Variants in KLHL5 observed in about 807,000 individuals in gnomAD.
The protein encoded by KLHL5 is kelch like family member 5.
In KLHL5, 48 loss-of-function variants were observed where a neutral mutation model predicts 77.7. The observed-to-expected ratio is 0.62, with a 90% CI of 0.49 to 0.79. The LOEUF (loss-of-function observed/expected upper bound fraction) is 0.79, where lower values mean the gene tolerates loss of function less well. Ranked by LOEUF, KLHL5 falls within the 30% of genes least tolerant of loss-of-function variation. KLHL5 has a pLI of 0.00. For synonymous variants in KLHL5, 260 were observed against 297.0 expected, an observed-to-expected ratio of 0.88 and a Z score of 1.28; for missense variants, 723 against 859.7, an observed-to-expected ratio of 0.84 and a Z score of 1.99.
rs746288603 is a variant in KLHL5, at chr4:39,086,638, C to CT, written c.1026dup (p.Thr343TyrfsTer6). Reference sequence around the variant, plus strand: ...TGAGGAGACAATATTGAATGCACTTCTTACTTGGGTCCGTCATGATTTGGA... The same window carrying CT: ...TGAGGAGACAATATTGAATGCACTTCTTTACTTGGGTCCGTCATGATTTGGA... On this transcript the variant is annotated frameshift_variant, in exon 5 of 11. Coordinates refer to ENST00000504108, the MANE Select transcript of KLHL5 (RefSeq NM_015990.5). LOFTEE classifies it high-confidence loss of function. 1 of 1,613,980 alleles carries CT rather than the reference C, an allele frequency of 6.2e-7. No homozygotes were observed. Among genetic ancestry groups the CT allele is most frequent in the Non-Finnish European group, 8.5e-7 (1 of 1,179,942 alleles).
intron 10 of KLHL5, among the ~76,000 whole-genome samples, chr4:39,116,544 G>A (rs887268842): frequency 6.6e-6 from 1 of 151,516 alleles, no homozygotes; most frequent in Admixed American, 6.6e-5. Flanking sequence ...AATGAAGGGG[G>A]ATTTAAACCA....
rs1425467816 is a variant in KLHL5, at chr4:39,082,158, T to G, written c.899T>G (p.Met300Arg). 1.3e-6 allele frequency: 2 copies of G among 1,575,188 alleles called. No homozygotes were observed. Among genetic ancestry groups the G allele is most frequent in the Non-Finnish European group, 1.7e-6 (2 of 1,161,506 alleles). ...DLHKVAHNYT[M>R]EHFMEVIRNQ... ...CATAAAGTGGCTCACAATTATACTA[T>G]GGTATGTATTTTTTGAAGGTGAGAA... The change falls in exon 4 of 11, where the codon ATG becomes AGG. Residue 300 changes from methionine to arginine, a missense_variant and splice_region_variant. Physicochemically the swap from Met to Arg is moderately conservative, Grantham distance 91. Around this residue, in one of 3 missense-constraint regions of KLHL5, gnomAD observed 288 missense variants for 400.3 expected, o/e 0.72. Transcript: ENST00000504108.
chr4:39,075,849 T>C, intron 1 of KLHL5, 116 bp from the exon 2 acceptor site: 1 of 759,912 alleles, frequency 1.3e-6, no homozygotes, highest in Non-Finnish European at 2.1e-6. Context: ...ACATTAATAT[T>C]GATAGGTAGC....
chr4:39,076,123 G>C lies in KLHL5; in HGVS notation c.542G>C (p.Gly181Ala), dbSNP rs372888059. 6.2e-6 allele frequency: 10 copies of C among 1,604,192 alleles called. No homozygotes were observed. Among genetic ancestry groups the C allele is most frequent in the Non-Finnish European group, 8.5e-6 (10 of 1,177,672 alleles). Residue 181 changes from glycine to alanine, a missense_variant, in exon 2 of 11, where the codon GGT (glycine) becomes GCT (alanine). Gly to Ala is a moderately conservative substitution (Grantham distance 60). Transcript: ENST00000504108. ...TTGTGTGATGTAATTTTAGTCGCTG[G>C]TGATCGCAGAATTCCAGCTCACAGG... The part of the protein sequence containing the change: ...KQLCDVILVA[G>A]DRRIPAHRLV...
the KLHL5 span, among the ~76,000 whole-genome samples, chr4:39,135,771 G>C: frequency 6.6e-6 from 1 of 152,068 alleles, no homozygotes; most frequent in African/African-American, 2.4e-5. Flanking sequence ...GGACGTGTTG[G>C]TGCGCTCCTG....
chr4:39,104,971 T>G (rs1964348), intron 7 of KLHL5, among the ~76,000 whole-genome samples: 76,009 of 151,276 alleles, frequency 0.5, 19,244 homozygotes, highest in Admixed American at 0.57. Context: ...CACCATGTTG[T>G]CCAGGATGGT....
In KLHL5 at chr4:39,094,696, A is replaced by C. The variant is rs983460741; in HGVS notation, c.1114-1996A>C. Among the ~76,000 whole-genome samples the C allele has an allele frequency of 3.3e-5, 5 of 152,104 alleles. No homozygotes were observed. The East Asian group carries it at 7.7e-4, about 23-fold the overall frequency. On this transcript the variant is annotated intron_variant, in intron 5 of 10. Coordinates refer to ENST00000504108, the MANE Select transcript of KLHL5 (RefSeq NM_015990.5). Reference sequence around the variant, plus strand: ...TAAAGAATAAAAAAAAACAAATCTCATATACTTTGAGATCTATTTATGAGA... The same window carrying C: ...TAAAGAATAAAAAAAAACAAATCTCCTATACTTTGAGATCTATTTATGAGA...
chr4:39,142,573 T>A, the KLHL5 span, among the ~76,000 whole-genome samples: 8 of 152,248 alleles, frequency 5.3e-5, no homozygotes, highest in African/African-American at 1.7e-4. Context: ...ACTCGTGGTG[T>A]CACTCATGGT....
chr4:39,052,118 AT>A (rs1716697606), intron 1 of KLHL5, among the ~76,000 whole-genome samples: 1 of 151,796 alleles, frequency 6.6e-6, no homozygotes, highest in African/African-American at 2.4e-5. Flanking sequence ...TAAATTTATT[AT>A]TATTGTTATT....
At chr4:39,100,691 C>T (rs1721456821) in intron 6 of KLHL5, among the ~76,000 whole-genome samples, 1 of 152,180 alleles carries the variant, frequency 6.6e-6, no homozygotes, top group Non-Finnish European at 1.5e-5. Flanking sequence ...CATTATTCTG[C>T]TCAAAAACTC....
intron 1 of KLHL5, among the ~76,000 whole-genome samples, chr4:39,069,567 T>TATATATAA (rs1482555197): frequency 2.0e-5 from 2 of 101,266 alleles, no homozygotes; most frequent in African/African-American, 3.6e-5. Context: ...TATATATATA[T>TATATATAA]AAACCATAGA....
At chr4:39,115,423 G>T in intron 10 of KLHL5, 93 bp downstream of exon 10, 4 of 1,565,068 alleles carry the variant, frequency 2.6e-6, no homozygotes, top group Non-Finnish European at 2.6e-6. Flanking sequence ...GTCCAATACT[G>T]AAATATATGG....
chr4:39,083,463 A>C (rs1460660853), intron 4 of KLHL5, among the ~76,000 whole-genome samples: 1 of 152,230 alleles, frequency 6.6e-6, no homozygotes, highest in Non-Finnish European at 1.5e-5. Flanking sequence ...ATCATTTCTC[A>C]GGAATTTTTT....
Position 39,101,858 on chromosome 4 carries a change from AAAT to A in KLHL5, c.1301-1427_1301-1425del, listed in dbSNP as rs1190765659. ...AACAGTCTGTCTCAAAAAAAAAAAA[AAAT>A]ATATATATATATATATACACACACA... On this transcript the variant is annotated intron_variant, in intron 6 of 10. Coordinates refer to ENST00000504108, the MANE Select transcript of KLHL5 (RefSeq NM_015990.5). 2.1e-3 allele frequency among the ~76,000 whole-genome samples: 251 copies of A among 120,550 alleles called. 1 individual carries two copies. Among genetic ancestry groups the A allele is most frequent in the African/African-American group, 7.7e-3 (242 of 31,284 alleles). 79.1% of individuals were successfully genotyped at this position (120,550 alleles called of 152,430 possible). A position where few individuals can be genotyped will look rare whatever the true frequency, so the allele number is the denominator to read the frequency against.
chr4:39,057,973 A>G (rs775338395), upstream of KLHL5, among the ~76,000 whole-genome samples: 10 of 152,182 alleles, frequency 6.6e-5, no homozygotes, highest in East Asian at 1.9e-4. Context: ...CAGTGTTTCT[A>G]TTGTAATACT....
At chr4:39,133,161 C>G in the KLHL5 span, among the ~76,000 whole-genome samples, 10 of 151,946 alleles carry the variant, frequency 6.6e-5, no homozygotes, top group Non-Finnish European at 1.2e-4. Flanking sequence ...TTGGCTTATC[C>G]AGCAGATGTT....
At chr4:39,082,395 G>A (rs1365463909) in intron 4 of KLHL5, among the ~76,000 whole-genome samples, 1 of 152,110 alleles carries the variant, frequency 6.6e-6, no homozygotes, top group Non-Finnish European at 1.5e-5. Flanking sequence ...GCAGAACAGT[G>A]GCCTAGGACT....
intron 5 of KLHL5, among the ~76,000 whole-genome samples, chr4:39,090,449 G>GTT (rs746309553): frequency 7.4e-5 from 10 of 134,990 alleles, no homozygotes; most frequent in Admixed American, 7.5e-5. Context: ...TTTTTGTATG[G>GTT]TTTTTTTTTT....
intron 8 of KLHL5, among the ~76,000 whole-genome samples, chr4:39,109,455 T>C (rs996322064): frequency 1.3e-5 from 2 of 151,866 alleles, no homozygotes; most frequent in African/African-American, 4.8e-5. Context: ...TGCACTACCA[T>C]GTCCAGCTAA....
Sources: allele counts gnomAD v4.1 joint callset (sites outside exome capture counted in the v4.1 genomes callset), GRCh38; gene constraint gnomAD v4.1.1; regional missense constraint gnomAD v4.1.1; transcripts MANE v1.5; gene names NCBI Gene and HGNC (gene_info 2026-07-23, HGNC 2026-07-21).